TLK2: variants seen among roughly 807,000 people sequenced by gnomAD.
The protein encoded by TLK2 is tousled like kinase 2.
Under a neutral mutation model 117.3 loss-of-function variants are expected in TLK2, and 6 were observed. The observed-to-expected ratio is 0.05, with a 90% CI of 0.03 to 0.10. The LOEUF (loss-of-function observed/expected upper bound fraction) is 0.10, where lower values mean the gene tolerates loss of function less well. TLK2 is among the 10% of genes least tolerant of loss of function. The pLI, the probability that TLK2 is intolerant of heterozygous loss-of-function variation, is 1.00. For missense variants in TLK2, 299 were observed against 901.2 expected, an observed-to-expected ratio of 0.33 and a Z score of 8.56; for synonymous variants, 257 against 316.7, an observed-to-expected ratio of 0.81 and a Z score of 2.00.
intron 15 of TLK2, among the ~76,000 whole-genome samples, chr17:62,582,719 T>C (rs2081307737): frequency 6.6e-6 from 1 of 152,198 alleles, no homozygotes; most frequent in African/African-American, 2.4e-5. Context: ...TTCACACTTT[T>C]TGTGAAATAG....
intron 9 of TLK2, among the ~76,000 whole-genome samples, chr17:62,556,406 A>G (rs1429327436): frequency 2.0e-5 from 3 of 152,308 alleles, no homozygotes; most frequent in Non-Finnish European, 4.4e-5. Flanking sequence ...TGATGGTGGT[A>G]CATTTTTAAG....
At chr17:62,548,321 AC>A (rs1365987613) in intron 7 of TLK2, among the ~76,000 whole-genome samples, 1 of 144,364 alleles carries the variant, frequency 6.9e-6, no homozygotes, top group Non-Finnish European at 1.5e-5. Context: ...TCACTCTGTC[AC>A]CCAGGCTGGA....
intron 2 of TLK2, among the ~76,000 whole-genome samples, chr17:62,514,252 T>G (rs1598321467): frequency 6.6e-6 from 1 of 151,792 alleles, no homozygotes; most frequent in South Asian, 2.1e-4. Flanking sequence ...CAAGCGATTC[T>G]TCTGCCTCAG....
At chr17:62,505,214 G>T (rs545492945) in intron 2 of TLK2, among the ~76,000 whole-genome samples, 1 of 152,154 alleles carries the variant, frequency 6.6e-6, no homozygotes, top group Non-Finnish European at 1.5e-5. Context: ...CCTCACAGCT[G>T]ATATGTCAAA....
chr17:62,481,644 A>AC (rs1219241768), intron 2 of TLK2, among the ~76,000 whole-genome samples: 7 of 152,016 alleles, frequency 4.6e-5, no homozygotes, highest in South Asian at 2.1e-4. Flanking sequence ...TACTGGTTGC[A>AC]CCCCCAGACT....
intron 11 of TLK2, among the ~76,000 whole-genome samples, chr17:62,565,894 T>C (rs1228182986): frequency 6.6e-6 from 1 of 152,122 alleles, no homozygotes; most frequent in African/African-American, 2.4e-5. Flanking sequence ...TGAAGAACTT[T>C]ATAGGACATG....
intron 15 of TLK2, among the ~76,000 whole-genome samples, chr17:62,584,525 T>TC (rs1463106076): frequency 1.3e-5 from 2 of 152,166 alleles, no homozygotes; most frequent in Non-Finnish European, 2.9e-5. Flanking sequence ...TTCAAAAGTT[T>TC]CCATTTTTGG....
At chr17:62,502,714 C>T (rs2074311174) in intron 2 of TLK2, among the ~76,000 whole-genome samples, 2 of 152,098 alleles carry the variant, frequency 1.3e-5, no homozygotes, top group African/African-American at 4.8e-5. Context: ...TTGTATTTCT[C>T]ATACTAGCAA....
chr17:62,607,984 GT>G, intron 20 of TLK2, 56 bp from the exon 21 acceptor site: 1 of 1,453,074 alleles, frequency 6.9e-7, no homozygotes. Flanking sequence ...GTATTGAATT[GT>G]TTTCTCTATA....
At chr17:62,531,046 G>A (rs965599401) in intron 6 of TLK2, among the ~76,000 whole-genome samples, 2 of 152,016 alleles carry the variant, frequency 1.3e-5, no homozygotes, top group Non-Finnish European at 2.9e-5. Context: ...TAGCTATGGT[G>A]TTCTGTAGTT....
chr17:62,544,834 G>T (rs2077785873), intron 7 of TLK2, among the ~76,000 whole-genome samples: 1 of 152,108 alleles, frequency 6.6e-6, no homozygotes, highest in South Asian at 2.1e-4. Context: ...TTCAATCCAT[G>T]AACACAAAAT....
chr17:62,477,298 GCGAGC>G (rs1567749328), upstream of TLK2, among the ~76,000 whole-genome samples: 1 of 152,020 alleles, frequency 6.6e-6, no homozygotes, highest in Non-Finnish European at 1.5e-5. Flanking sequence ...CCCCCAACCC[GCGAGC>G]TGCTCTCCTG....
chr17:62,590,127 CA>C (rs201887925), intron 16 of TLK2, among the ~76,000 whole-genome samples: 1 of 141,612 alleles, frequency 7.1e-6, no homozygotes, highest in Non-Finnish European at 1.5e-5. Flanking sequence ...AAAAAAAAAA[CA>C]AAAAAAACAA....
chr17:62,539,714 A>G (rs917236226), intron 7 of TLK2, among the ~76,000 whole-genome samples: 2 of 151,954 alleles, frequency 1.3e-5, no homozygotes, highest in African/African-American at 2.4e-5. Flanking sequence ...CCTGACCTCT[A>G]TGGTCTCAAA....
intron 15 of TLK2, among the ~76,000 whole-genome samples, chr17:62,581,892 A>T (rs1174197516): frequency 6.6e-6 from 1 of 152,134 alleles, no homozygotes; most frequent in Non-Finnish European, 1.5e-5. Context: ...CATGCTCTGG[A>T]ACCCTTTTCA....
intron 15 of TLK2, among the ~76,000 whole-genome samples, chr17:62,582,266 A>T (rs2081277480): frequency 1.3e-5 from 2 of 152,020 alleles, no homozygotes; most frequent in African/African-American, 2.4e-5. Context: ...TTTTTAATAG[A>T]GACAGGGTTT....
At chr17:62,521,083 C>G (rs1181262451) in intron 3 of TLK2, among the ~76,000 whole-genome samples, 1 of 152,078 alleles carries the variant, frequency 6.6e-6, no homozygotes, top group African/African-American at 2.4e-5. Flanking sequence ...TCGTTTGCAC[C>G]CGGGAGAATG....
intron 1 of TLK2, among the ~76,000 whole-genome samples, chr17:62,472,113 A>T (rs2070953845): frequency 6.6e-6 from 1 of 150,990 alleles, no homozygotes; most frequent in Admixed American, 6.6e-5. Context: ...TCACCGTGTT[A>T]GCCAGGATGG....
intron 17 of TLK2, among the ~76,000 whole-genome samples, chr17:62,599,552 C>T (rs1021529428): frequency 6.6e-6 from 1 of 152,118 alleles, no homozygotes; most frequent in African/African-American, 2.4e-5. Flanking sequence ...ACCTCCTCTC[C>T]CTCCCCGCAA....
Sources: allele counts gnomAD v4.1 joint callset (sites outside exome capture counted in the v4.1 genomes callset), GRCh38; gene constraint gnomAD v4.1.1; transcripts MANE v1.5; gene names NCBI Gene and HGNC (gene_info 2026-07-23, HGNC 2026-07-21).